NAALADL2: variants seen among roughly 807,000 people sequenced by gnomAD.
The protein encoded by NAALADL2 is N-acetylated alpha-linked acidic dipeptidase like 2.
A neutral mutation model predicts 87.2 loss-of-function variants in NAALADL2; 76 were observed. That is an observed-to-expected ratio of 0.87 (90% CI 0.72 to 1.05). NAALADL2 has a LOEUF of 1.05. Ranked by LOEUF, NAALADL2 falls within the 50% of genes least tolerant of loss-of-function variation. The pLI, the probability that NAALADL2 is intolerant of heterozygous loss-of-function variation, is 0.00. For missense variants in NAALADL2, 1,089 were observed against 945.8 expected (o/e 1.15, Z -1.99); for synonymous variants, 354 against 331.0 (o/e 1.07, Z -0.75).
intron 2 of NAALADL2, among the ~76,000 whole-genome samples, chr3:174,727,687 A>G (rs1456963011): frequency 6.6e-6 from 1 of 152,086 alleles, no homozygotes; most frequent in East Asian, 1.9e-4. Context: ...CCAGTGTGAT[A>G]TATTTGTTAT....
At chr3:175,138,004 A>G (rs775649683) in intron 2 of NAALADL2, among the ~76,000 whole-genome samples, 2 of 152,128 alleles carry the variant, frequency 1.3e-5, no homozygotes, top group Non-Finnish European at 2.9e-5. Flanking sequence ...CCACTTAATT[A>G]ATTTTCCTCC....
At chr3:174,481,111 G>C (rs1717519282) in intron 1 of NAALADL2, among the ~76,000 whole-genome samples, 1 of 152,094 alleles carries the variant, frequency 6.6e-6, no homozygotes, top group Non-Finnish European at 1.5e-5. Flanking sequence ...GTAGATTCTG[G>C]CTAGCATGAG....
At chr3:174,755,374 T>C (rs1711905681) in intron 3 of NAALADL2, among the ~76,000 whole-genome samples, 1 of 152,182 alleles carries the variant, frequency 6.6e-6, no homozygotes, top group African/African-American at 2.4e-5. Flanking sequence ...CTCTTAAGCA[T>C]TGAATTAAGA....
At chr3:174,801,665 C>G (rs559984400) in intron 3 of NAALADL2, among the ~76,000 whole-genome samples, 1 of 151,954 alleles carries the variant, frequency 6.6e-6, no homozygotes, top group Non-Finnish European at 1.5e-5. Context: ...AGGAAGTTTC[C>G]TTCTATTCCT....
intron 1 of NAALADL2, among the ~76,000 whole-genome samples, chr3:174,987,372 A>G (rs1467292703): frequency 1.2e-4 from 18 of 151,052 alleles, no homozygotes. Context: ...GATCGAGACC[A>G]TCCCGGCTAA....
chr3:175,659,704 C>T (rs1004622748), intron 11 of NAALADL2, among the ~76,000 whole-genome samples: 3 of 152,154 alleles, frequency 2.0e-5, no homozygotes, highest in Admixed American at 1.3e-4. Flanking sequence ...AATCTTTAGT[C>T]TTAATCTTCA....
intron 1 of NAALADL2, among the ~76,000 whole-genome samples, chr3:175,082,799 C>A (rs949999176): frequency 1.3e-5 from 2 of 152,118 alleles, no homozygotes; most frequent in Non-Finnish European, 2.9e-5. Flanking sequence ...TTTACATAGG[C>A]TTGGTAAATA....
At chr3:175,580,696 G>C (rs1719639072) in intron 10 of NAALADL2, among the ~76,000 whole-genome samples, 1 of 152,120 alleles carries the variant, frequency 6.6e-6, no homozygotes, top group African/African-American at 2.4e-5. Context: ...TTGTAAACAA[G>C]ATGAAAAGGG....
At chr3:174,946,478 G>A (rs114837593) in intron 1 of NAALADL2, among the ~76,000 whole-genome samples, 1,758 of 152,100 alleles carry the variant, frequency 0.012, 39 homozygotes, top group African/African-American at 0.041. Context: ...ATATGATGTC[G>A]CCTATCTCAT....
chr3:175,345,391 A>T (rs372682510), intron 5 of NAALADL2, among the ~76,000 whole-genome samples: 1 of 152,116 alleles, frequency 6.6e-6, no homozygotes, highest in East Asian at 1.9e-4. Flanking sequence ...CCGTCTGATG[A>T]ATCTTCTTTT....
At chr3:175,561,162 T>C (rs1320350684) in intron 9 of NAALADL2, among the ~76,000 whole-genome samples, 1 of 152,158 alleles carries the variant, frequency 6.6e-6, no homozygotes, top group Non-Finnish European at 1.5e-5. Context: ...GGAGCATTGG[T>C]TCTAAGACAT....
At chr3:175,287,300 A>G (rs771702629) in intron 4 of NAALADL2, among the ~76,000 whole-genome samples, 1 of 152,194 alleles carries the variant, frequency 6.6e-6, no homozygotes, top group Non-Finnish European at 1.5e-5. Flanking sequence ...ATGAATAAAC[A>G]TTTCACATAT....
chr3:175,394,886 C>G (rs113959028), intron 5 of NAALADL2, among the ~76,000 whole-genome samples: 10 of 152,268 alleles, frequency 6.6e-5, no homozygotes, highest in African/African-American at 2.4e-4. Flanking sequence ...CACAATTTGA[C>G]AGACAATTCA....
intron 1 of NAALADL2, among the ~76,000 whole-genome samples, chr3:174,861,895 C>A (rs1726550704): frequency 7.0e-6 from 1 of 142,636 alleles, no homozygotes; most frequent in South Asian, 2.1e-4. Flanking sequence ...GTATTGAGAA[C>A]CCATTTTTTT....
chr3:175,204,856 A>C (rs1166547180), intron 2 of NAALADL2, among the ~76,000 whole-genome samples: 1 of 152,042 alleles, frequency 6.6e-6, no homozygotes, highest in Non-Finnish European at 1.5e-5. Context: ...AGCTGCAAAA[A>C]ATAATAATAA....
intron 1 of NAALADL2, among the ~76,000 whole-genome samples, chr3:174,448,716 A>T (rs1715247564): frequency 6.6e-6 from 1 of 152,174 alleles, no homozygotes; most frequent in South Asian, 2.1e-4. Context: ...CAGGAAAGAA[A>T]TGTAACTATG....
chr3:175,645,620 G>A (rs1365082296), intron 11 of NAALADL2, among the ~76,000 whole-genome samples: 1 of 152,004 alleles, frequency 6.6e-6, no homozygotes, highest in Non-Finnish European at 1.5e-5. Flanking sequence ...TGTGACTGAG[G>A]TCTCTGAGGC....
intron 1 of NAALADL2, among the ~76,000 whole-genome samples, chr3:174,939,380 A>G (rs1438538209): frequency 6.6e-6 from 1 of 152,020 alleles, no homozygotes; most frequent in Non-Finnish European, 1.5e-5. Flanking sequence ...CTATTTTTAT[A>G]CCAGTGCCAT....
At chr3:174,936,338 T>C (rs1370058596) in intron 1 of NAALADL2, among the ~76,000 whole-genome samples, 1 of 152,062 alleles carries the variant, frequency 6.6e-6, no homozygotes, top group African/African-American at 2.4e-5. Flanking sequence ...GAATTATTTC[T>C]TATATAATAA....
Sources: allele counts gnomAD v4.1 joint callset (sites outside exome capture counted in the v4.1 genomes callset), GRCh38; gene constraint gnomAD v4.1.1; transcripts MANE v1.5; gene names NCBI Gene and HGNC (gene_info 2026-07-23, HGNC 2026-07-21).